CLNK: variants seen among roughly 807,000 people sequenced by gnomAD.
The protein encoded by CLNK is cytokine-dependent hematopoietic cell linker.
In CLNK, 74 loss-of-function variants were observed where a neutral mutation model predicts 68.6. The observed-to-expected ratio is 1.08, with a 90% CI of 0.89 to 1.31. CLNK has a LOEUF of 1.31. Ranked by LOEUF, CLNK falls within the 50% of genes most tolerant of loss-of-function variation. The pLI, the probability that CLNK is intolerant of heterozygous loss-of-function variation, is 0.00. For synonymous variants in CLNK, 198 were observed against 172.2 expected (o/e 1.15, Z -1.17); for missense variants, 553 against 515.3 (o/e 1.07, Z -0.71).
intron 2 of CLNK, among the ~76,000 whole-genome samples, chr4:10,646,049 A>C (rs947250401): frequency 6.6e-6 from 1 of 152,168 alleles, no homozygotes; most frequent in Non-Finnish European, 1.5e-5. Flanking sequence ...AACATTATGA[A>C]TGGAAGAAAG....
At chr4:10,574,738 AC>A (rs1345976714) in intron 4 of CLNK, among the ~76,000 whole-genome samples, 1 of 152,204 alleles carries the variant, frequency 6.6e-6, no homozygotes, top group Non-Finnish European at 1.5e-5. Flanking sequence ...CTGGCGTTGC[AC>A]CCTGGGCCTG....
the CLNK span, among the ~76,000 whole-genome samples, chr4:10,728,006 C>T: frequency 0.93 from 141,938 of 152,274 alleles, 66,361 homozygotes; most frequent in East Asian, 1. Context: ...TGGATAGACA[C>T]GAAAACAGTC....
chr4:10,594,447 C>T (rs1276197970), intron 3 of CLNK, among the ~76,000 whole-genome samples: 1 of 152,220 alleles, frequency 6.6e-6, no homozygotes, highest in Admixed American at 6.5e-5. Flanking sequence ...CATTGGCACC[C>T]ACAGGGAGGG....
intron 17 of CLNK, among the ~76,000 whole-genome samples, chr4:10,503,071 T>C (rs1469610012): frequency 6.6e-6 from 1 of 152,234 alleles, no homozygotes; most frequent in East Asian, 1.9e-4. Flanking sequence ...CTACCAGGCT[T>C]AGTTTTGTGG....
At chr4:10,722,505 G>A in the CLNK span, among the ~76,000 whole-genome samples, 14 of 152,162 alleles carry the variant, frequency 9.2e-5, no homozygotes, top group Non-Finnish European at 2.1e-4. Flanking sequence ...TGCAGCTTTC[G>A]ATAACTCTGT....
chr4:10,513,991 A>G (rs868176857), intron 15 of CLNK, among the ~76,000 whole-genome samples: 7 of 124,562 alleles, frequency 5.6e-5, no homozygotes, highest in Non-Finnish European at 1.0e-4. Flanking sequence ...TATATCTCCC[A>G]ATGCTATCCC....
chr4:10,716,763 G>A, the CLNK span, among the ~76,000 whole-genome samples: 24 of 147,374 alleles, frequency 1.6e-4, no homozygotes, highest in East Asian at 2.0e-4. Context: ...GTGTGATCTC[G>A]GCTCACTGCA....
intron 4 of CLNK, among the ~76,000 whole-genome samples, chr4:10,580,235 G>A (rs1047262050): frequency 7.2e-5 from 11 of 152,144 alleles, no homozygotes; most frequent in African/African-American, 2.7e-4. Flanking sequence ...GCTTCTGACG[G>A]TGACATTGGT....
chr4:10,611,942 C>A (rs536640555), intron 2 of CLNK, among the ~76,000 whole-genome samples: 1 of 152,216 alleles, frequency 6.6e-6, no homozygotes, highest in African/African-American at 2.4e-5. Flanking sequence ...CACTCTCTCC[C>A]TACAGCCCCG....
At chr4:10,511,299 C>T (rs1209454992) in intron 16 of CLNK, among the ~76,000 whole-genome samples, 1 of 152,236 alleles carries the variant, frequency 6.6e-6, no homozygotes, top group African/African-American at 2.4e-5. Context: ...GCCATGGTCA[C>T]TCATATTTGG....
At chr4:10,708,190 G>A in the CLNK span, among the ~76,000 whole-genome samples, 12 of 152,086 alleles carry the variant, frequency 7.9e-5, no homozygotes, top group Admixed American at 2.0e-4. Flanking sequence ...ACTTCCTGAC[G>A]CTCCTTAACC....
rs750868669 is a variant in CLNK, at chr4:10,543,930, G to A, written c.446-1650C>T. Among the ~76,000 whole-genome samples, 4 of 152,300 alleles carry A rather than the reference G, an allele frequency of 2.6e-5. No individual in the cohort carries two copies. The South Asian group carries it at 6.2e-4, about 24-fold the overall frequency. Reference sequence around the variant, plus strand: ...AACAGCAGCAATCTGGTTAACATTAGATCTTTGACTATTTCAAGGAAATCA... The same window carrying A: ...AACAGCAGCAATCTGGTTAACATTAAATCTTTGACTATTTCAAGGAAATCA... On this transcript the variant is annotated intron_variant, in intron 8 of 18. Coordinates refer to ENST00000226951, the MANE Select transcript of CLNK (RefSeq NM_052964.4).
chr4:10,559,403 G>A (rs1481815831), intron 7 of CLNK, among the ~76,000 whole-genome samples: 2 of 151,918 alleles, frequency 1.3e-5, no homozygotes, highest in African/African-American at 2.4e-5. Flanking sequence ...TTTTTTTATC[G>A]TGGCTATTGA....
At chr4:10,519,928 T>C (rs376190204) in intron 15 of CLNK, among the ~76,000 whole-genome samples, 7 of 152,184 alleles carry the variant, frequency 4.6e-5, no homozygotes, top group African/African-American at 1.7e-4. Flanking sequence ...AGAATTAATT[T>C]GTTCCAAGTG....
At chr4:10,497,195 G>T (rs530506510) in intron 18 of CLNK, among the ~76,000 whole-genome samples, 2 of 152,288 alleles carry the variant, frequency 1.3e-5, no homozygotes, top group Admixed American at 1.3e-4. Context: ...TACCCCAGAG[G>T]TTGGCTATGA....
At chr4:10,684,930 C>T (rs1362360969), upstream of CLNK, 3 of 152,102 alleles carry the variant, frequency 2.0e-5, no homozygotes, top group Non-Finnish European at 4.4e-5. Context: ...GAGTGCAATA[C>T]GTGAAGCTTT....
intron 3 of CLNK, among the ~76,000 whole-genome samples, chr4:10,586,135 G>A (rs1213430677): frequency 6.8e-6 from 1 of 147,042 alleles, no homozygotes; most frequent in Non-Finnish European, 1.5e-5. Context: ...ATGCTTGCTT[G>A]TCCACTGCCC....
Position 10,490,527 on chromosome 4 carries a change from G to A in CLNK, c.1227C>T (p.His409=). ...GCTGAGTGAGGTGACACTGTTTCCT[G>A]TGGACCCCAGTTTTATCTTTCCCAT... ...LIDGKDKTGV[H]RKQCHLTQPL... Residue 409 remains histidine (H), a synonymous_variant, in exon 19 of 19, where the codon CAC becomes CAT. Coordinates refer to ENST00000226951, the MANE Select transcript of CLNK (RefSeq NM_052964.4). 6.2e-7 allele frequency: 1 copy of A among 1,610,906 alleles called. No homozygotes were observed. The highest frequency in any genetic ancestry group is 8.5e-7 in the Non-Finnish European group (1 of 1,178,534).
At chr4:10,511,963 T>C (rs1423189776) in intron 16 of CLNK, among the ~76,000 whole-genome samples, 2 of 152,180 alleles carry the variant, frequency 1.3e-5, no homozygotes, top group Non-Finnish European at 2.9e-5. Flanking sequence ...TGAAAACAGG[T>C]CACCTTAAAG....
Sources: gnomAD v4.1 joint callset for allele counts (sites outside exome capture counted in the v4.1 genomes callset) on GRCh38, gnomAD v4.1.1 for gene constraint, MANE v1.5 for transcripts, NCBI Gene and HGNC (gene_info 2026-07-23, HGNC 2026-07-21) for gene names.